GPX7: variants seen among roughly 807,000 people sequenced by gnomAD.
GPX7 encodes the protein protein peroxidase GPX7.
A neutral mutation model predicts 23.7 loss-of-function variants in GPX7; 21 were observed. The observed-to-expected ratio is 0.89, with a 90% CI of 0.63 to 1.28. The LOEUF (loss-of-function observed/expected upper bound fraction) is 1.28, where lower values mean the gene tolerates loss of function less well. GPX7 is among the 50% of genes most tolerant of loss of function. The pLI is 0.00. For missense variants in GPX7, 238 were observed against 237.3 expected (o/e 1.00, Z -0.02); for synonymous variants, 112 against 101.8 (o/e 1.10, Z -0.61).
intron 1 of GPX7, among the ~76,000 whole-genome samples, chr1:52,603,899 A>C (rs1249030900): frequency 6.6e-6 from 1 of 152,134 alleles, no homozygotes; most frequent in Non-Finnish European, 1.5e-5. Context: ...GGCCCGCTCC[A>C]ATTCAGGCCT....
chr1:52,608,157 G>C (rs1478376609), intron 2 of GPX7, 105 bp from the exon 3 acceptor site: 3 of 1,013,626 alleles, frequency 3.0e-6, no homozygotes, highest in Non-Finnish European at 4.4e-6. Flanking sequence ...GGTGTGGACT[G>C]GGCATCAGGA....
In GPX7 at chr1:52,606,564, T is replaced by G. The variant is rs1571660462; in HGVS notation, c.139-120T>G. The stretch of plus-strand genomic sequence containing the variant: ...CATATGTGTACACAGTGTTCTTGTA[T>G]GTGTGAGGCAGTATTAACTGTTGAG... On this transcript the variant is annotated intron_variant, in intron 1 of 2. Transcript: ENST00000361314. 3.7e-6 allele frequency: 4 copies of G among 1,068,258 alleles called. No individual in the cohort carries two copies. In the East Asian group the frequency reaches 7.4e-5, roughly 20 times the overall value. The allele number at this position is 1,068,258 out of a possible 1,614,324, so 66.2% of individuals were successfully genotyped here.
chr1:52,606,755 G>A lies in GPX7; in HGVS notation c.210G>A (p.Leu70=). Residue 70 remains leucine, a synonymous_variant, in exon 2 of 3, where the codon CTG becomes CTA. Coordinates refer to ENST00000361314, the MANE Select transcript of GPX7 (RefSeq NM_015696.5). ...AGCACTACCGAGCCCTGCAGCAGCT[G>A]CAGCGAGACCTGGGCCCCCACCACT... ...TDQHYRALQQ[L]QRDLGPHHFN... The A allele has an allele frequency of 6.2e-7, 1 of 1,614,190 alleles. No individual in the cohort carries two copies. Among genetic ancestry groups the A allele is most frequent in the South Asian group, 1.1e-5 (1 of 91,086 alleles).
rs549558774 is a variant in GPX7 at position 52,602,418 on chromosome 1, G to A, written c.9G>A (p.Ala3=). ...CACCTCCGGAACAAGCCATGGTGGCGGCGACGGTGGCAGCGGCGTGGCTGC... is the reference window on the plus strand; with the variant it reads ...CACCTCCGGAACAAGCCATGGTGGCAGCGACGGTGGCAGCGGCGTGGCTGC... MV[A]ATVAAAWLLL... The change falls in exon 1 of 3, where the codon GCG becomes GCA. Residue 3 remains alanine (A), a synonymous_variant. Coordinates refer to ENST00000361314, the MANE Select transcript of GPX7 (RefSeq NM_015696.5). 2 of 1,511,784 alleles carry A rather than the reference G, an allele frequency of 1.3e-6. No individual in the cohort carries two copies. The highest frequency in any genetic ancestry group is 2.2e-5 in the Admixed American group (1 of 44,826). 93.6% of individuals were successfully genotyped at this position (1,511,784 alleles called of 1,614,324 possible). A position where few individuals can be genotyped will look rare whatever the true frequency, so the allele number is the denominator to read the frequency against.
rs1334434036 is a variant in GPX7, at chr1:52,608,844, A to AT, written c.*425dup. 2.6e-5 allele frequency: 4 copies of AT among 153,606 alleles called. No homozygotes were observed. The highest frequency in any genetic ancestry group is 4.8e-5 in the African/African-American group (2 of 41,496). The allele number at this position is 153,606 out of a possible 1,614,324, so 9.5% of individuals were successfully genotyped here. ...GCCAAATAGGAGGCATTCAATGAAC[A>AT]TTTTTTGCATATAAACCAAAAAATA... On this transcript the variant is annotated 3_prime_UTR_variant, in exon 3 of 3. Coordinates refer to ENST00000361314, the MANE Select transcript of GPX7 (RefSeq NM_015696.5).
chr1:52,608,491 A>C lies in GPX7; in HGVS notation c.*66A>C. On this transcript the variant is annotated 3_prime_UTR_variant, in exon 3 of 3. Transcript: ENST00000361314. Reference sequence around the variant, plus strand: ...GTGTGGGGCTGACCAATGCAAACTCAAATGGTGCTTCAAAGGGAGAGACCC... The same window carrying C: ...GTGTGGGGCTGACCAATGCAAACTCCAATGGTGCTTCAAAGGGAGAGACCC... 231 of 1,381,294 alleles carry C rather than the reference A, an allele frequency of 1.7e-4. No homozygotes were observed. Among genetic ancestry groups the C allele is most frequent in the Non-Finnish European group, 2.0e-4 (206 of 1,024,732 alleles). The allele number at this position is 1,381,294 out of a possible 1,614,324, so 85.6% of individuals were successfully genotyped here.
At position 52,606,743 on chromosome 1, in the gene GPX7, C is replaced by T. The variant is rs1238512987; in HGVS notation, c.198C>T (p.Ala66=). The T allele has an allele frequency of 1.9e-6, 3 of 1,614,060 alleles. No individual in the cohort carries two copies. The highest frequency in any genetic ancestry group is 2.5e-6 in the Non-Finnish European group (3 of 1,180,044). The change falls in exon 2 of 3, where the codon GCC becomes GCT. Residue 66 remains alanine, a synonymous_variant. Transcript: ENST00000361314. ...GCTTCACAGACCAGCACTACCGAGC[C>T]CTGCAGCAGCTGCAGCGAGACCTGG... ...ECGFTDQHYR[A]LQQLQRDLGP...
chr1:52,606,223 G>A (rs2149860275), intron 1 of GPX7, among the ~76,000 whole-genome samples: 2 of 152,256 alleles, frequency 1.3e-5, no homozygotes, highest in East Asian at 3.9e-4. Context: ...AGTGCAGAGT[G>A]GCGAGTGCTA....
Position 52,602,371 on chromosome 1 carries a change from G to C in GPX7, c.-39G>C, listed in dbSNP as rs764991747. 27 of 1,389,610 alleles carry C rather than the reference G, an allele frequency of 1.9e-5. No homozygotes were observed. The African/African-American group carries it at 3.7e-4, about 19-fold the overall frequency. 86.1% of individuals were successfully genotyped at this position (1,389,610 alleles called of 1,614,324 possible). A position where few individuals can be genotyped will look rare whatever the true frequency, so the allele number is the denominator to read the frequency against. Reference sequence around the variant, plus strand: ...CCCCCGCGCTAGATCCCCCCGCCCCGTCTTTGCCCTCGCGACGCCGCCACC... The same window carrying C: ...CCCCCGCGCTAGATCCCCCCGCCCCCTCTTTGCCCTCGCGACGCCGCCACC... On this transcript the variant is annotated 5_prime_UTR_variant, in exon 1 of 3. Coordinates refer to ENST00000361314, the MANE Select transcript of GPX7 (RefSeq NM_015696.5).
Position 52,608,704 on chromosome 1 carries a change from A to C in GPX7, c.*279A>C, listed in dbSNP as rs1690881429. 4.6e-6 allele frequency: 1 copy of C among 217,218 alleles called. No individual in the cohort carries two copies. The highest frequency in any genetic ancestry group is 9.2e-6 in the Non-Finnish European group (1 of 109,050). 13.5% of individuals were successfully genotyped at this position (217,218 alleles called of 1,614,324 possible). On this transcript the variant is annotated 3_prime_UTR_variant, in exon 3 of 3. Transcript: ENST00000361314. ...ACAAAAATGTGTGGCAAATAGAAGT[A>C]TATCAAGCAATAATCTCCCACCCAA...
intron 1 of GPX7, among the ~76,000 whole-genome samples, chr1:52,605,867 T>C (rs983714524): frequency 6.6e-6 from 1 of 152,118 alleles, no homozygotes; most frequent in Non-Finnish European, 1.5e-5. Flanking sequence ...TCCTAGCTAT[T>C]TGAGAGGCTG....
rs762527036 is a variant in GPX7, at chr1:52,602,509, C to T, written c.100C>T (p.Arg34Trp). ...CTACGACTTCAAGGCGGTCAACATC[C>T]GGGGCAAACTGGTGTCGCTGGAGAA... Reference protein sequence around the residue: ...DFYDFKAVNIRGKLVSLEKYR... With the variant: ...DFYDFKAVNIWGKLVSLEKYR... The change falls in exon 1 of 3, where the codon CGG becomes TGG. Residue 34 changes from arginine (R) to tryptophan (W), a missense_variant. Coordinates refer to ENST00000361314, the MANE Select transcript of GPX7 (RefSeq NM_015696.5). 1 of 1,565,100 alleles carries T rather than the reference C, an allele frequency of 6.4e-7. No individual in the cohort carries two copies. Among genetic ancestry groups the T allele is most frequent in the South Asian group, 1.2e-5 (1 of 85,400 alleles).
intron 2 of GPX7, 43 bp downstream of exon 2, chr1:52,606,988 G>C (rs1184128071): frequency 1.3e-6 from 2 of 1,596,320 alleles, no homozygotes; most frequent in African/African-American, 2.7e-5. Flanking sequence ...CCCTTAGCTG[G>C]CTGAGGCCAT....
rs1690876017 is a variant in GPX7 at position 52,608,284 on chromosome 1, C to T, written c.423C>T (p.Thr141=). 1.2e-6 allele frequency: 2 copies of T among 1,612,654 alleles called. No individual in the cohort carries two copies. Among genetic ancestry groups the T allele is most frequent in the African/African-American group, 1.3e-5 (1 of 74,824 alleles). Residue 141 remains threonine, a synonymous_variant, in exon 3 of 3, where the codon ACC becomes ACT. Transcript: ENST00000361314. ...YLAQTSGKEP[T]WNFWKYLVAP... ...TAGAGACTTCTGGGAAGGAGCCCAC[C>T]TGGAACTTCTGGAAGTACCTAGTAG...
intron 1 of GPX7, 58 bp from the exon 2 acceptor site, chr1:52,606,626 G>A (rs1571660485): frequency 1.3e-6 from 2 of 1,582,160 alleles, no homozygotes; most frequent in Admixed American, 1.7e-5. Flanking sequence ...GCATGTACAG[G>A]TTCATGCCTC....
chr1:52,602,616 C>G lies in GPX7; in HGVS notation c.138+69C>G, dbSNP rs1261216764. 3.0e-6 allele frequency: 3 copies of G among 1,013,094 alleles called. No individual in the cohort carries two copies. The African/African-American group carries it at 5.3e-5, about 18-fold the overall frequency. 62.8% of individuals were successfully genotyped at this position (1,013,094 alleles called of 1,614,324 possible). On this transcript the variant is annotated intron_variant, in intron 1 of 2. Transcript: ENST00000361314. ...CCTGGCGGGGCCTGCTGGGGACGCCCCGCAGCCCGGTCCCCCGCGCGGTGT... is the reference window on the plus strand; with the variant it reads ...CCTGGCGGGGCCTGCTGGGGACGCCGCGCAGCCCGGTCCCCCGCGCGGTGT...
At chr1:52,606,636 C>T in intron 1 of GPX7, 48 bp from the exon 2 acceptor site, 1 of 1,591,404 alleles carries the variant, frequency 6.3e-7, no homozygotes, top group Non-Finnish European at 8.5e-7. Context: ...GTTCATGCCT[C>T]TTCACTGGCT....
At chr1:52,604,050 T>G (rs906626567) in intron 1 of GPX7, among the ~76,000 whole-genome samples, 3 of 152,108 alleles carry the variant, frequency 2.0e-5, no homozygotes, top group African/African-American at 7.2e-5. Flanking sequence ...GATACAGTGG[T>G]GAACAAAACA....
intron 1 of GPX7, among the ~76,000 whole-genome samples, chr1:52,605,169 G>A (rs957137535): frequency 1.3e-5 from 2 of 151,960 alleles, no homozygotes; most frequent in African/African-American, 4.8e-5. Flanking sequence ...CACCATTCCA[G>A]GCACAGTATG....
Sources: allele counts gnomAD v4.1 joint callset (sites outside exome capture counted in the v4.1 genomes callset), GRCh38; gene constraint gnomAD v4.1.1; transcripts MANE v1.5; gene names NCBI Gene and HGNC (gene_info 2026-07-23, HGNC 2026-07-21).